The following CDH12 variants were observed in gnomAD, a reference collection of about 807,000 sequenced individuals.
CDH12 encodes cadherin 12, also known as cadherin-12.
A neutral mutation model predicts 74.1 loss-of-function variants in CDH12; 41 were observed. The observed-to-expected ratio is 0.55, with a 90% CI of 0.43 to 0.72. The LOEUF (loss-of-function observed/expected upper bound fraction) is 0.72. Ranked by LOEUF, CDH12 falls within the 30% of genes least tolerant of loss-of-function variation. The pLI is 0.00. For synonymous variants in CDH12, 399 were observed against 355.0 expected, an observed-to-expected ratio of 1.12 and a Z score of -1.39; for missense variants, 945 against 977.2, an observed-to-expected ratio of 0.97 and a Z score of 0.44.
At chr5:22,723,487 T>C (rs1045161522) in intron 1 of CDH12, among the ~76,000 whole-genome samples, 41 of 152,062 alleles carry the variant, frequency 2.7e-4, no homozygotes, top group Admixed American at 5.2e-4. Flanking sequence ...ATATTAAATG[T>C]AAAGCAGCAG....
At chr5:22,637,578 C>A (rs1007636434) in intron 1 of CDH12, among the ~76,000 whole-genome samples, 17 of 152,224 alleles carry the variant, frequency 1.1e-4, no homozygotes, top group African/African-American at 4.1e-4. Flanking sequence ...CCAGACAGAA[C>A]AGCAAAATGG....
At chr5:22,499,365 T>C (rs1251610680) in intron 2 of CDH12, among the ~76,000 whole-genome samples, 2 of 152,192 alleles carry the variant, frequency 1.3e-5, no homozygotes, top group Admixed American at 1.3e-4. Flanking sequence ...TTTCCCCATA[T>C]ATTTATCTTA....
At chr5:21,832,923 T>C (rs1402403772) in intron 8 of CDH12, among the ~76,000 whole-genome samples, 1 of 66,854 alleles carries the variant, frequency 1.5e-5, no homozygotes, top group African/African-American at 1.1e-4. Context: ...AATATTAATA[T>C]ATATCATATA....
intron 5 of CDH12, among the ~76,000 whole-genome samples, chr5:22,000,669 C>T (rs1213369795): frequency 6.6e-6 from 1 of 152,052 alleles, no homozygotes; most frequent in Non-Finnish European, 1.5e-5. Flanking sequence ...CCAGGAGGAC[C>T]TTCACATTTC....
chr5:22,523,756 C>T (rs1737149506), intron 1 of CDH12, among the ~76,000 whole-genome samples: 1 of 151,992 alleles, frequency 6.6e-6, no homozygotes, highest in Non-Finnish European at 1.5e-5. Flanking sequence ...TTAACGCCTT[C>T]CCAGACTATT....
intron 1 of CDH12, among the ~76,000 whole-genome samples, chr5:22,690,135 A>G (rs2126941906): frequency 6.6e-6 from 1 of 152,268 alleles, no homozygotes; most frequent in East Asian, 1.9e-4. Context: ...AAACAGAAAT[A>G]TGAAGAATTA....
intron 2 of CDH12, among the ~76,000 whole-genome samples, chr5:22,454,053 A>G (rs1457094568): frequency 6.6e-6 from 1 of 152,154 alleles, no homozygotes; most frequent in Non-Finnish European, 1.5e-5. Flanking sequence ...CCTTAAATGC[A>G]TATTCAATGT....
intron 2 of CDH12, among the ~76,000 whole-genome samples, chr5:22,501,133 G>A (rs1747315953): frequency 6.6e-6 from 1 of 151,952 alleles, no homozygotes; most frequent in Non-Finnish European, 1.5e-5. Flanking sequence ...TTTATTTAAG[G>A]CATTGAATAT....
At chr5:22,803,293 G>A (rs1748627794) in intron 1 of CDH12, among the ~76,000 whole-genome samples, 1 of 151,994 alleles carries the variant, frequency 6.6e-6, no homozygotes, top group Non-Finnish European at 1.5e-5. Context: ...TGCTGGAAGG[G>A]CCTACTACTA....
At chr5:21,898,539 A>G (rs961459091) in intron 6 of CDH12, among the ~76,000 whole-genome samples, 3 of 151,938 alleles carry the variant, frequency 2.0e-5, no homozygotes, top group Non-Finnish European at 2.9e-5. Context: ...CGTCTCTACT[A>G]AAAATACAAA....
intron 1 of CDH12, among the ~76,000 whole-genome samples, chr5:22,515,415 T>C (rs1252645425): frequency 1.3e-5 from 2 of 152,222 alleles, no homozygotes; most frequent in Admixed American, 6.5e-5. Flanking sequence ...AACCAAAATA[T>C]ATTGATTAAA....
At chr5:21,979,492 G>T (rs1285615153) in intron 5 of CDH12, among the ~76,000 whole-genome samples, 1 of 152,118 alleles carries the variant, frequency 6.6e-6, no homozygotes, top group African/African-American at 2.4e-5. Flanking sequence ...TCATTCCAGC[G>T]CTTAAAAGTT....
intron 1 of CDH12, among the ~76,000 whole-genome samples, chr5:22,618,140 A>G (rs1224157688): frequency 6.6e-6 from 1 of 152,064 alleles, no homozygotes; most frequent in Non-Finnish European, 1.5e-5. Flanking sequence ...TTAAGACAAT[A>G]TTTAGTTTGC....
intron 1 of CDH12, among the ~76,000 whole-genome samples, chr5:22,513,782 C>T (rs1019918955): frequency 3.3e-5 from 5 of 151,664 alleles, no homozygotes; most frequent in Admixed American, 6.6e-5. Flanking sequence ...CCCATCTCTA[C>T]TAAAAATACA....
At chr5:22,415,089 A>G (rs1191818684) in intron 2 of CDH12, among the ~76,000 whole-genome samples, 1 of 152,154 alleles carries the variant, frequency 6.6e-6, no homozygotes, top group Admixed American at 6.5e-5. Flanking sequence ...ATTAGCATGA[A>G]AGCAATACTA....
intron 6 of CDH12, among the ~76,000 whole-genome samples, chr5:21,855,646 G>GTA (rs970876086): frequency 1.3e-5 from 2 of 151,534 alleles, no homozygotes; most frequent in African/African-American, 2.4e-5. Context: ...GTGTATATAT[G>GTA]TATATATATG....
At chr5:22,821,298 G>A (rs1749686441) in intron 1 of CDH12, among the ~76,000 whole-genome samples, 1 of 152,092 alleles carries the variant, frequency 6.6e-6, no homozygotes, top group Non-Finnish European at 1.5e-5. Context: ...GGCAAAAACT[G>A]GGAGTATTCC....
intron 1 of CDH12, among the ~76,000 whole-genome samples, chr5:22,604,258 A>T (rs559176644): frequency 6.6e-5 from 10 of 152,206 alleles, no homozygotes; most frequent in Non-Finnish European, 1.3e-4. Flanking sequence ...GTATTGAGGC[A>T]TATGCTATTT....
chr5:22,738,052 T>C (rs1210226977), intron 1 of CDH12, among the ~76,000 whole-genome samples: 1 of 151,878 alleles, frequency 6.6e-6, no homozygotes, highest in African/African-American at 2.4e-5. Context: ...ACATGGTACA[T>C]TGGGTGAGGC....
Sources: gnomAD v4.1 joint callset for allele counts (sites outside exome capture counted in the v4.1 genomes callset) on GRCh38, gnomAD v4.1.1 for gene constraint, MANE v1.5 for transcripts, NCBI Gene and HGNC (gene_info 2026-07-23, HGNC 2026-07-21) for gene names.